Variants in SERPINB12 observed in about 807,000 individuals in gnomAD.
The protein encoded by SERPINB12 is serpin family B member 12.
Under a neutral mutation model 41.1 loss-of-function variants are expected in SERPINB12, and 57 were observed. The ratio of observed to expected loss-of-function variants is 1.39; its 90% CI spans 1.12 to 1.73. The LOEUF (loss-of-function observed/expected upper bound fraction) is 1.73, where lower values mean the gene tolerates loss of function less well. Ranked by LOEUF, SERPINB12 falls within the 40% of genes most tolerant of loss-of-function variation. SERPINB12 has a pLI of 0.00. For missense variants in SERPINB12, 536 were observed against 501.9 expected, an observed-to-expected ratio of 1.07 and a Z score of -0.65; for synonymous variants, 180 against 181.3, an observed-to-expected ratio of 0.99 and a Z score of 0.06.
intron 3 of SERPINB12, among the ~76,000 whole-genome samples, chr18:63,558,815 T>G (rs531109993): frequency 1.3e-5 from 2 of 152,266 alleles, no homozygotes; most frequent in Admixed American, 1.3e-4. Context: ...GGGTCAGCTG[T>G]GGAATTCTTA....
intron 1 of SERPINB12, among the ~76,000 whole-genome samples, chr18:63,544,365 A>C (rs1425734841): frequency 6.6e-6 from 1 of 152,228 alleles, no homozygotes; most frequent in African/African-American, 2.4e-5. Context: ...AGCTTTGTGC[A>C]ATACTAATTC....
chr18:63,543,387 T>A (rs1194730064), intron 1 of SERPINB12, among the ~76,000 whole-genome samples: 1 of 151,906 alleles, frequency 6.6e-6, no homozygotes, highest in Non-Finnish European at 1.5e-5. Context: ...TCTGAAGGAG[T>A]GATAATGTAG....
chr18:63,556,414 G>A (rs1359327508), intron 2 of SERPINB12, 87 bp downstream of exon 2: 26 of 1,262,556 alleles, frequency 2.1e-5, no homozygotes, highest in Non-Finnish European at 2.9e-5. Context: ...GGCAAGCCAA[G>A]GGGCTTATTG....
the SERPINB12 span, among the ~76,000 whole-genome samples, chr18:63,525,148 G>GTT: frequency 5.9e-5 from 9 of 151,986 alleles, no homozygotes; most frequent in Middle Eastern, 3.4e-3. Context: ...ATGCTTACTG[G>GTT]TTTTTTTCTA....
intron 5 of SERPINB12, among the ~76,000 whole-genome samples, chr18:63,562,077 G>C (rs181594518): frequency 5.3e-5 from 8 of 152,266 alleles, no homozygotes; most frequent in Admixed American, 5.2e-4. Context: ...AAACTGCTTA[G>C]ATATTGCTGT....
At chr18:63,565,270 T>G (rs573252799) in intron 6 of SERPINB12, among the ~76,000 whole-genome samples, 175 bp from the exon 7 acceptor site, 1 of 152,126 alleles carries the variant, frequency 6.6e-6, no homozygotes, top group Non-Finnish European at 1.5e-5. Context: ...GTTGGCAAAG[T>G]AAGGGCCACT....
At chr18:63,558,591 G>T in intron 3 of SERPINB12, 105 bp downstream of exon 3, 2 of 1,254,660 alleles carry the variant, frequency 1.6e-6, no homozygotes, top group South Asian at 1.6e-5. Context: ...ATTAGACTCT[G>T]GATACCATCA....
intron 1 of SERPINB12, among the ~76,000 whole-genome samples, chr18:63,549,287 C>T (rs1000269678): frequency 2.8e-4 from 43 of 152,172 alleles, no homozygotes; most frequent in African/African-American, 1.0e-3. Context: ...TACTATTATT[C>T]TGCCATCTGT....
rs772736779 is a variant in SERPINB12, at chr18:63,565,450, A to G, written c.711A>G (p.Glu237=). The change falls in exon 7 of 8, where the codon GAA becomes GAG. Residue 237 remains glutamate (E), a synonymous_variant. Transcript: ENST00000382768. ...TCCTACCTTGACTACTACAGAATGAAAACAAGAGTGTGAAGATGATGACGC... is the reference window on the plus strand; with the variant it reads ...TCCTACCTTGACTACTACAGAATGAGAACAAGAGTGTGAAGATGATGACGC... ...VDAPFCLNAN[E]NKSVKMMTQK... 5.6e-6 allele frequency: 9 copies of G among 1,612,852 alleles called. 1 individual carries two copies. The highest frequency in any genetic ancestry group is 4.4e-5 in the South Asian group (4 of 90,742).
upstream of SERPINB12, among the ~76,000 whole-genome samples, chr18:63,537,390 T>C (rs1037316120): frequency 3.3e-5 from 5 of 152,110 alleles, no homozygotes; most frequent in South Asian, 4.1e-4. Context: ...TTTTGGTAAA[T>C]TGAGTAAAGG....
At chr18:63,529,956 G>T in the SERPINB12 span, among the ~76,000 whole-genome samples, 1 of 151,986 alleles carries the variant, frequency 6.6e-6, no homozygotes, top group Admixed American at 6.6e-5. Flanking sequence ...CCTACAAGAT[G>T]CATACTTGCT....
chr18:63,525,215 T>C, the SERPINB12 span, among the ~76,000 whole-genome samples: 1 of 152,218 alleles, frequency 6.6e-6, no homozygotes, highest in African/African-American at 2.4e-5. Flanking sequence ...AAATCACCTC[T>C]GATTTAGACA....
chr18:63,553,076 C>T (rs553654789), intron 1 of SERPINB12, among the ~76,000 whole-genome samples: 63 of 152,252 alleles, frequency 4.1e-4, no homozygotes, highest in African/African-American at 1.5e-3. Flanking sequence ...AAGCTTAGAA[C>T]CAGGTAACAC....
chr18:63,551,076 T>C (rs988676400), intron 1 of SERPINB12, among the ~76,000 whole-genome samples: 8 of 151,948 alleles, frequency 5.3e-5, no homozygotes, highest in African/African-American at 1.9e-4. Context: ...GAGACTATCC[T>C]GCCTAACACG....
rs1477682931 is a variant in SERPINB12 at position 63,556,256 on chromosome 18, C to T, written c.97C>T (p.Leu33=). ...DRHKNIFFSP[L]SLSAALGMVR... is the part of the protein sequence containing the mutation. ...TCATAAAAACATATTTTTCTCTCCC[C>T]TGAGCCTCTCAGCTGCCCTTGGTAT... Residue 33 remains leucine (L), a synonymous_variant, in exon 2 of 8, where the codon CTG becomes TTG. Transcript: ENST00000382768. 6.2e-7 allele frequency: 1 copy of T among 1,614,056 alleles called. No individual in the cohort carries two copies.
At chr18:63,558,317 T>C in intron 2 of SERPINB12, 35 bp from the exon 3 acceptor site, 1 of 1,595,166 alleles carries the variant, frequency 6.3e-7, no homozygotes, top group Non-Finnish European at 8.5e-7. Context: ...CCTCTGTTCA[T>C]ATTATCTGAA....
At chr18:63,523,185 T>C in the SERPINB12 span, among the ~76,000 whole-genome samples, 1 of 152,216 alleles carries the variant, frequency 6.6e-6, no homozygotes, top group South Asian at 2.1e-4. Context: ...CAAAATGGGA[T>C]AACATGTCAC....
intron 1 of SERPINB12, among the ~76,000 whole-genome samples, chr18:63,554,902 T>A (rs762738429): frequency 1.3e-5 from 2 of 152,164 alleles, no homozygotes; most frequent in Admixed American, 6.5e-5. Flanking sequence ...GTTCTTGTGA[T>A]AGTGAGTGAA....
the SERPINB12 span, among the ~76,000 whole-genome samples, chr18:63,520,465 A>C: frequency 6.6e-6 from 1 of 152,210 alleles, no homozygotes; most frequent in Non-Finnish European, 1.5e-5. Flanking sequence ...TCACAGATGC[A>C]TGGTGGGGAG....
Sources: allele counts gnomAD v4.1 joint callset (sites outside exome capture counted in the v4.1 genomes callset), GRCh38; gene constraint gnomAD v4.1.1; transcripts MANE v1.5; gene names NCBI Gene and HGNC (gene_info 2026-07-23, HGNC 2026-07-21).